DOP1B: variants seen among roughly 807,000 people sequenced by gnomAD.
DOP1B encodes DOP1 leucine zipper like protein B.
Under a neutral mutation model 233.5 loss-of-function variants are expected in DOP1B, and 174 were observed. That is an observed-to-expected ratio of 0.75 (90% CI 0.66 to 0.85). The LOEUF (loss-of-function observed/expected upper bound fraction) is 0.85. DOP1B is among the 40% of genes least tolerant of loss of function. The pLI is 0.00. For missense variants in DOP1B, 2,652 were observed against 2,846.6 expected, an observed-to-expected ratio of 0.93 and a Z score of 1.56; for synonymous variants, 1,190 against 1,185.6, an observed-to-expected ratio of 1.00 and a Z score of -0.08.
chr21:36,171,229 G>C (rs572315149), intron 2 of DOP1B, among the ~76,000 whole-genome samples: 14 of 152,134 alleles, frequency 9.2e-5, no homozygotes, highest in Non-Finnish European at 1.3e-4. Context: ...GCTTACGTAA[G>C]GGGAAAGGGC....
chr21:36,212,235 G>T, intron 7 of DOP1B, 138 bp downstream of exon 7: 1 of 1,047,392 alleles, frequency 9.5e-7, no homozygotes, highest in African/African-American at 1.7e-5. Context: ...ACTAAATATG[G>T]CACTGGTCAG....
Position 36,238,576 on chromosome 21 carries a change from C to T in DOP1B, c.2776-25C>T, listed in dbSNP as rs1403145975. 3 of 1,606,136 alleles carry T rather than the reference C, an allele frequency of 1.9e-6. No homozygotes were observed. The African/African-American group carries it at 4.0e-5, about 21-fold the overall frequency. ...TGGTCAGTTACAAAACCAAGTTCCTCACTCCCATGTATCTCCTCATCAAGG... is the reference window on the plus strand; with the variant it reads ...TGGTCAGTTACAAAACCAAGTTCCTTACTCCCATGTATCTCCTCATCAAGG... On this transcript the variant is annotated intron_variant, in intron 16 of 36. Coordinates refer to ENST00000691173, the MANE Select transcript of DOP1B (RefSeq NM_001320714.2).
intron 2 of DOP1B, among the ~76,000 whole-genome samples, chr21:36,167,683 C>T (rs906594930): frequency 5.3e-5 from 8 of 152,168 alleles, no homozygotes; most frequent in African/African-American, 1.9e-4. Context: ...GAAACCCGTA[C>T]CCATTCAGCA....
rs1335961960 is a variant in DOP1B, at chr21:36,245,743, C to G, written c.3763C>G (p.Pro1255Ala). The stretch of plus-strand genomic sequence containing the variant: ...GCTGGAGGCTGTGCTCAAAACCAAC[C>G]CTAAGGAATTCATCGAGGCTGTGTC... ...SVLEAVLKTN[P>A]KEFIEAVSRT... The change falls in exon 19 of 37, where the codon CCT (proline) becomes GCT (alanine). Residue 1255 changes from proline (P) to alanine (A), a missense_variant. Coordinates refer to ENST00000691173, the MANE Select transcript of DOP1B (RefSeq NM_001320714.2). This position sits in a 1 kb window ranked among gnomAD's most constrained non-coding sequence, Gnocchi z 5.5. The G allele has an allele frequency of 1.2e-6, 2 of 1,613,962 alleles. No individual in the cohort carries two copies. Among genetic ancestry groups the G allele is most frequent in the East Asian group, 2.2e-5 (1 of 44,860 alleles).
Position 36,245,117 on chromosome 21 carries a change from A to T in DOP1B, c.3137A>T (p.Gln1046Leu). 1 of 1,613,670 alleles carries T rather than the reference A, an allele frequency of 6.2e-7. No individual in the cohort carries two copies. Among genetic ancestry groups the T allele is most frequent in the Non-Finnish European group, 8.5e-7 (1 of 1,179,774 alleles). Residue 1046 changes from glutamine to leucine, a missense_variant, in exon 19 of 37, where the codon CAG becomes CTG. This residue lies in a region of DOP1B where 2,617 missense variants were observed against 2,794.3 expected (regional missense o/e 0.94). Coordinates refer to ENST00000691173, the MANE Select transcript of DOP1B (RefSeq NM_001320714.2). This position sits in a 1 kb window ranked among gnomAD's most constrained non-coding sequence, Gnocchi z 5.5. Reference protein sequence around the residue: ...FREACAVPEPQESGSEEHLPL... With the variant: ...FREACAVPEPLESGSEEHLPL... Reference sequence around the variant, plus strand: ...GAGGCATGCGCAGTGCCCGAGCCTCAGGAGAGCGGCTCTGAAGAGCACCTG... The same window carrying T: ...GAGGCATGCGCAGTGCCCGAGCCTCTGGAGAGCGGCTCTGAAGAGCACCTG...
chr21:36,167,511 CATT>C (rs1338841101), intron 2 of DOP1B, among the ~76,000 whole-genome samples: 1 of 152,196 alleles, frequency 6.6e-6, no homozygotes, highest in Admixed American at 6.5e-5. Flanking sequence ...GCACAGTCTT[CATT>C]ATTTCTGTTT....
At chr21:36,284,280 T>TTG in intron 32 of DOP1B, among the ~76,000 whole-genome samples, 1 of 133,200 alleles carries the variant, frequency 7.5e-6, no homozygotes, top group African/African-American at 2.9e-5. Flanking sequence ...TTTTTTTTTT[T>TTG]TTTTTTTTGA....
intron 30 of DOP1B, 101 bp from the exon 31 acceptor site, chr21:36,280,184 G>GT: frequency 1.1e-6 from 1 of 910,272 alleles, no homozygotes; most frequent in Non-Finnish European, 1.7e-6. Flanking sequence ...CCAGAAAGCA[G>GT]TTTTTAATAT....
In DOP1B at chr21:36,208,612, G is replaced by A; in HGVS notation, c.492-103G>A. The A allele has an allele frequency of 3.1e-6, 4 of 1,282,676 alleles. No homozygotes were observed. In the South Asian group the frequency reaches 4.4e-5, roughly 14 times the overall value. The allele number at this position is 1,282,676 out of a possible 1,614,324, so 79.5% of individuals were successfully genotyped here. A position where few individuals can be genotyped will look rare whatever the true frequency, so the allele number is the denominator to read the frequency against. On this transcript the variant is annotated intron_variant, in intron 4 of 36. Coordinates refer to ENST00000691173, the MANE Select transcript of DOP1B (RefSeq NM_001320714.2). ...GAGGAAGGTGGGGCTTCCCCAGCCA[G>A]GCGAATCCGCTGTGGTTCTTCATGC...
In DOP1B at chr21:36,251,166, T is replaced by C. The variant is rs753234829; in HGVS notation, c.5003T>C (p.Ile1668Thr). 1.2e-6 allele frequency: 2 copies of C among 1,609,228 alleles called. No individual in the cohort carries two copies. Among genetic ancestry groups the C allele is most frequent in the East Asian group, 4.5e-5 (2 of 44,846 alleles). The change falls in exon 22 of 37, where the codon ATA (isoleucine) becomes ACA (threonine). Residue 1668 changes from isoleucine (I) to threonine (T), a missense_variant. Coordinates refer to ENST00000691173, the MANE Select transcript of DOP1B (RefSeq NM_001320714.2). ...SSVYFKTTKTIRQKILDFLNP... is the reference protein window; with the variant it reads ...SSVYFKTTKTTRQKILDFLNP... ...TTTTTTTTCCCTATTTTCTAGACCATAAGACAAAAAATTTTAGACTTCTTA... is the reference window on the plus strand; with the variant it reads ...TTTTTTTTCCCTATTTTCTAGACCACAAGACAAAAAATTTTAGACTTCTTA...
intron 10 of DOP1B, among the ~76,000 whole-genome samples, chr21:36,222,742 T>C (rs1569030804): frequency 6.6e-6 from 1 of 152,050 alleles, no homozygotes; most frequent in Non-Finnish European, 1.5e-5. Flanking sequence ...TTTATTTTTA[T>C]TTTTATTTTT....
At chr21:36,254,435 G>A (rs1487479278) in intron 23 of DOP1B, among the ~76,000 whole-genome samples, 3 of 152,092 alleles carry the variant, frequency 2.0e-5, no homozygotes, top group Admixed American at 2.0e-4. Flanking sequence ...AGGAGAGTTG[G>A]AGAAGTAGAA....
chr21:36,249,061 C>T (rs1462292891), intron 21 of DOP1B, among the ~76,000 whole-genome samples: 1 of 151,642 alleles, frequency 6.6e-6, no homozygotes, highest in Non-Finnish European at 1.5e-5. Context: ...GCCAAGATTG[C>T]ACCACTGCAC....
chr21:36,163,747 G>C (rs1264556718), intron 1 of DOP1B, among the ~76,000 whole-genome samples: 1 of 152,202 alleles, frequency 6.6e-6, no homozygotes, highest in African/African-American at 2.4e-5. Flanking sequence ...CAAATTAGCT[G>C]TTATGTGCAG....
At chr21:36,265,645 C>T (rs1371784259) in intron 26 of DOP1B, among the ~76,000 whole-genome samples, 1 of 152,172 alleles carries the variant, frequency 6.6e-6, no homozygotes, top group Non-Finnish European at 1.5e-5. Flanking sequence ...TCCGTTGTTG[C>T]AGCTGGCATG....
chr21:36,214,291 C>A, intron 8 of DOP1B, 101 bp downstream of exon 8: 1 of 1,272,738 alleles, frequency 7.9e-7, no homozygotes, highest in South Asian at 1.3e-5. Flanking sequence ...CGTTCCTTGG[C>A]CCCTGGTTTG....
At chr21:36,164,181 T>A (rs1189536861) in intron 1 of DOP1B, among the ~76,000 whole-genome samples, 1 of 152,150 alleles carries the variant, frequency 6.6e-6, no homozygotes, top group African/African-American at 2.4e-5. Context: ...CAGCCAGGCA[T>A]GGTGATACAT....
In DOP1B at chr21:36,289,073, G is replaced by A. The variant is rs764127504; in HGVS notation, c.6382G>A (p.Val2128Ile). 7 of 1,612,192 alleles carry A rather than the reference G, an allele frequency of 4.3e-6. No individual in the cohort carries two copies. In the Admixed American group the frequency reaches 6.7e-5, roughly 16 times the overall value. ...RSTNKVNRTK[V>I]SVPDANGPSV... is the part of the protein sequence containing the mutation. ...CACCAACAAAGTAAACAGAACGAAA[G>A]TTTCAGTCCCGGATGCAAATGGACC... Residue 2128 changes from valine (V) to isoleucine (I), a missense_variant, in exon 35 of 37, where the codon GTT (valine) becomes ATT (isoleucine). By Grantham distance (29) the Val-to-Ile change is conservative. Coordinates refer to ENST00000691173, the MANE Select transcript of DOP1B (RefSeq NM_001320714.2).
At chr21:36,221,933 G>T (rs566277908) in intron 10 of DOP1B, among the ~76,000 whole-genome samples, 1 of 151,928 alleles carries the variant, frequency 6.6e-6, no homozygotes, top group Admixed American at 6.6e-5. Flanking sequence ...GTGCGGTGGC[G>T]CCATCTCGGC....
Sources: gnomAD v4.1 joint callset for allele counts (sites outside exome capture counted in the v4.1 genomes callset) on GRCh38, gnomAD v4.1.1 for gene constraint, gnomAD v4.1.1 regional missense constraint, Gnocchi (gnomAD v3.1) non-coding constraint, MANE v1.5 for transcripts, NCBI Gene and HGNC (gene_info 2026-07-23, HGNC 2026-07-21) for gene names.